Variants in KCNU1 observed in about 807,000 individuals in gnomAD.
The protein encoded by KCNU1 is potassium channel subfamily U member 1.
A neutral mutation model predicts 126.8 loss-of-function variants in KCNU1; 93 were observed. The ratio of observed to expected loss-of-function variants is 0.73; its 90% CI spans 0.62 to 0.87. KCNU1 has a LOEUF of 0.87. Ranked by LOEUF, KCNU1 falls within the 40% of genes least tolerant of loss-of-function variation. KCNU1 has a pLI of 0.00. For missense variants in KCNU1, 1,330 were observed against 1,367.1 expected (o/e 0.97, Z 0.43); for synonymous variants, 523 against 494.2 (o/e 1.06, Z -0.77).
chr8:36,933,733 G>C (rs1335478366), intron 26 of KCNU1, among the ~76,000 whole-genome samples: 1 of 152,126 alleles, frequency 6.6e-6, no homozygotes, highest in East Asian at 1.9e-4. Flanking sequence ...ACTCAAAGTG[G>C]AGTGGTCTTG....
intron 19 of KCNU1, among the ~76,000 whole-genome samples, chr8:36,889,854 T>C (rs1806886478): frequency 6.6e-6 from 1 of 151,914 alleles, no homozygotes; most frequent in Non-Finnish European, 1.5e-5. Flanking sequence ...AAGAGAAAAT[T>C]GCAAAAGAAC....
chr8:36,899,181 A>G (rs930116710), intron 19 of KCNU1, among the ~76,000 whole-genome samples: 3 of 152,116 alleles, frequency 2.0e-5, no homozygotes, highest in African/African-American at 7.2e-5. Context: ...GAGAAGTTCA[A>G]ATATGGGCTT....
chr8:36,842,688 G>C lies in KCNU1; in HGVS notation c.1703+1685G>C, dbSNP rs142207446. On this transcript the variant is annotated intron_variant, in intron 16 of 26. Transcript: ENST00000399881. ...CATAAGTTTTTTTGTTTTTGTTTTT[G>C]AGACGGAGTTTCACTCTTTTTGCCC... 5.4e-3 allele frequency among the ~76,000 whole-genome samples: 816 copies of C among 152,224 alleles called. 8 individuals carry two copies. Among genetic ancestry groups the C allele is most frequent in the African/African-American group, 0.019 (781 of 41,532 alleles).
rs118057724 is a variant in KCNU1, at chr8:36,931,855, G to T, written c.2931+710G>T. ...GCTGGTAAACAGTAGATTACAGCAAGGGATAAGATAATAATTCTGGAAAAT... is the reference window on the plus strand; with the variant it reads ...GCTGGTAAACAGTAGATTACAGCAATGGATAAGATAATAATTCTGGAAAAT... On this transcript the variant is annotated intron_variant, in intron 25 of 26. Transcript: ENST00000399881. Among the ~76,000 whole-genome samples the T allele has an allele frequency of 3.3e-3, 504 of 152,220 alleles. 3 individuals are homozygous for T. The highest frequency in any genetic ancestry group is 0.01 in the Middle Eastern group (3 of 294).
chr8:36,803,217 C>T (rs944559834), intron 2 of KCNU1, among the ~76,000 whole-genome samples: 1 of 152,148 alleles, frequency 6.6e-6, no homozygotes, highest in South Asian at 2.1e-4. Context: ...ACGTAGCCCA[C>T]TCAAGGAATA....
chr8:36,905,828 T>A (rs746308559), intron 20 of KCNU1, 24 bp downstream of exon 20: 7 of 1,143,684 alleles, frequency 6.1e-6, no homozygotes, highest in Non-Finnish European at 8.9e-6. Context: ...CATCATCAAA[T>A]CTCAAATAAG....
rs77629167 is a variant in KCNU1 at position 36,875,911 on chromosome 8, T to C, written c.2009+11390T>C. On this transcript the variant is annotated intron_variant, in intron 19 of 26. Transcript: ENST00000399881. ...TGTTGCCCACAGCATAGATATCTGCTGCCAGGACCATGGGCAACGTGCTTT... is the reference window on the plus strand; with the variant it reads ...TGTTGCCCACAGCATAGATATCTGCCGCCAGGACCATGGGCAACGTGCTTT... Among the ~76,000 whole-genome samples the C allele has an allele frequency of 3.7e-4, 57 of 152,338 alleles. 1 individual carries two copies. In the East Asian group the frequency reaches 0.011, roughly 29 times the overall value.
At chr8:36,904,623 G>A (rs1807549860) in intron 19 of KCNU1, among the ~76,000 whole-genome samples, 2 of 152,102 alleles carry the variant, frequency 1.3e-5, no homozygotes, top group African/African-American at 4.8e-5. Context: ...AAGTCAGTAG[G>A]AGCCATGTGA....
In KCNU1 at chr8:36,922,591, GT is replaced by G. The variant is rs1176657152; in HGVS notation, c.2704del (p.Ser902ProfsTer26). 6.2e-7 allele frequency: 1 copy of G among 1,613,488 alleles called. No homozygotes were observed. The highest frequency in any genetic ancestry group is 1.3e-5 in the African/African-American group (1 of 74,874). On this transcript the variant is annotated frameshift_variant, in exon 24 of 27. Transcript: ENST00000399881. LOFTEE classifies it high-confidence loss of function. ...HLSTAFSTGT[V>X]FSGSFLDSLL... ...CAGCACTGCCTTTTCTACGGGCACT[GT>G]TTTTTCCGGCAGCTTCTTGGATTCT...
intron 2 of KCNU1, among the ~76,000 whole-genome samples, chr8:36,800,091 A>T (rs1404280997): frequency 6.6e-6 from 1 of 152,126 alleles, no homozygotes; most frequent in Non-Finnish European, 1.5e-5. Context: ...TCTAATTGTA[A>T]CTTTAAAATG....
At chr8:36,921,749 C>G (rs1808358927) in intron 23 of KCNU1, among the ~76,000 whole-genome samples, 1 of 151,856 alleles carries the variant, frequency 6.6e-6, no homozygotes, top group Non-Finnish European at 1.5e-5. Flanking sequence ...CGGTATTCAC[C>G]TCAGAGGCTG....
At chr8:36,803,938 G>C (rs569062781) in intron 2 of KCNU1, 89 bp from the exon 3 acceptor site, 2 of 812,376 alleles carry the variant, frequency 2.5e-6, no homozygotes, top group African/African-American at 1.7e-5. Context: ...ACGTACACAG[G>C]CATGGTAAAA....
intron 19 of KCNU1, among the ~76,000 whole-genome samples, chr8:36,898,502 C>T (rs990619022): frequency 1.3e-5 from 2 of 151,522 alleles, no homozygotes; most frequent in African/African-American, 4.9e-5. Context: ...TGGATCAATA[C>T]AATGAAAAGG....
Position 36,905,851 on chromosome 8 carries a change from G to A in KCNU1, c.2106+47G>A, listed in dbSNP as rs373925785. 4.0e-5 allele frequency: 35 copies of A among 882,802 alleles called. 1 individual carries two copies. Among genetic ancestry groups the A allele is most frequent in the Middle Eastern group, 2.3e-4 (1 of 4,380 alleles). 54.7% of individuals were successfully genotyped at this position (882,802 alleles called of 1,614,324 possible). A position where few individuals can be genotyped will look rare whatever the true frequency, so the allele number is the denominator to read the frequency against. ...AATCTCAAATAAGATAAAGCATTTCGTAGGGTAAGTGATGTTCTTGTTAGT... is the reference window on the plus strand; with the variant it reads ...AATCTCAAATAAGATAAAGCATTTCATAGGGTAAGTGATGTTCTTGTTAGT... On this transcript the variant is annotated intron_variant, in intron 20 of 26. Transcript: ENST00000399881.
intron 19 of KCNU1, among the ~76,000 whole-genome samples, chr8:36,887,512 C>T (rs1195659888): frequency 7.8e-6 from 1 of 128,824 alleles, no homozygotes; most frequent in Admixed American, 9.1e-5. Flanking sequence ...AGGCCCTAAA[C>T]ATCAAAATGC....
chr8:36,912,359 A>G lies in KCNU1; in HGVS notation c.2521+1240A>G, dbSNP rs193124171. On this transcript the variant is annotated intron_variant, in intron 22 of 26. Coordinates refer to ENST00000399881, the MANE Select transcript of KCNU1 (RefSeq NM_001031836.3). ...CTTTGGAGGGCAAACTGAGTCAGCT[A>G]TTAGACAGACCTTCACTAAGCAACC... Among the ~76,000 whole-genome samples the G allele has an allele frequency of 7.6e-3, 1,159 of 152,324 alleles. 46 individuals are homozygous for G. The highest frequency in any genetic ancestry group is 0.067 in the Admixed American group (1,033 of 15,304).
At chr8:36,924,664 G>A (rs2117596087) in intron 24 of KCNU1, among the ~76,000 whole-genome samples, 1 of 152,280 alleles carries the variant, frequency 6.6e-6, no homozygotes, top group South Asian at 2.1e-4. Flanking sequence ...GGCTCTGTCA[G>A]AGAAAGTGTT....
intron 7 of KCNU1, among the ~76,000 whole-genome samples, chr8:36,813,254 T>A (rs1318401905): frequency 1.3e-5 from 2 of 152,106 alleles, no homozygotes; most frequent in African/African-American, 4.8e-5. Flanking sequence ...GCACATCACT[T>A]TTAAAAAGGG....
Position 36,914,089 on chromosome 8 carries a change from C to G in KCNU1, c.2521+2970C>G, listed in dbSNP as rs918437593. On this transcript the variant is annotated intron_variant, in intron 22 of 26. Coordinates refer to ENST00000399881, the MANE Select transcript of KCNU1 (RefSeq NM_001031836.3). ...TCATTCTTCTCATTCCATAATAATA[C>G]TCCTCTTCCACCAAGCATTAAGAGG... 2.6e-5 allele frequency among the ~76,000 whole-genome samples: 4 copies of G among 152,172 alleles called. No homozygotes were observed. The South Asian group carries it at 8.3e-4, about 32-fold the overall frequency.
Sources: gnomAD v4.1 joint callset for allele counts (sites outside exome capture counted in the v4.1 genomes callset) on GRCh38, gnomAD v4.1.1 for gene constraint, MANE v1.5 for transcripts, NCBI Gene and HGNC (gene_info 2026-07-23, HGNC 2026-07-21) for gene names.